Variants in CTNND2 observed in about 807,000 individuals in gnomAD.
CTNND2 encodes the protein catenin delta 2, also known as catenin delta-2.
CTNND2 carries 22 observed loss-of-function variants against 144.4 expected under a neutral mutation model. The ratio of observed to expected loss-of-function variants is 0.15; its 90% CI spans 0.11 to 0.22. CTNND2 has a LOEUF of 0.22. Among genes scored for constraint, CTNND2 ranks in the 10% least tolerant of loss-of-function variants. The probability of loss-of-function intolerance (pLI) is 1.00; values close to 1 mark genes in which losing one functional copy is unlikely to be tolerated. For missense variants in CTNND2, 1,353 were observed against 1,618.8 expected (o/e 0.84, Z 2.82); for synonymous variants, 751 against 695.6 (o/e 1.08, Z -1.25).
At chr5:11,079,585 G>C (rs1432697988) in intron 16 of CTNND2, among the ~76,000 whole-genome samples, 1 of 152,120 alleles carries the variant, frequency 6.6e-6, no homozygotes, top group Admixed American at 6.5e-5. Flanking sequence ...GCCCTGCCAG[G>C]TACACAAGGT....
At chr5:11,369,197 G>A (rs924808486) in intron 7 of CTNND2, among the ~76,000 whole-genome samples, 1 of 152,114 alleles carries the variant, frequency 6.6e-6, no homozygotes, top group African/African-American at 2.4e-5. Flanking sequence ...AAAAAATGTA[G>A]GAATGAATGA....
At chr5:11,236,656 G>C in intron 10 of CTNND2, 35 bp downstream of exon 10, 1 of 1,610,342 alleles carries the variant, frequency 6.2e-7, no homozygotes, top group Non-Finnish European at 8.5e-7. Flanking sequence ...TTATGAATCT[G>C]ACACCAATCA....
At chr5:11,122,066 T>C (rs527673158) in intron 12 of CTNND2, among the ~76,000 whole-genome samples, 25 of 152,302 alleles carry the variant, frequency 1.6e-4, no homozygotes, top group African/African-American at 5.8e-4. Context: ...TATTGAGAAT[T>C]CAGCCCTTCC....
chr5:11,258,137 C>T (rs1580728693), intron 9 of CTNND2, among the ~76,000 whole-genome samples: 1 of 152,310 alleles, frequency 6.6e-6, no homozygotes. Flanking sequence ...GTACCTTAGG[C>T]TGAATGGATT....
At chr5:11,513,401 T>C (rs955462050) in intron 3 of CTNND2, among the ~76,000 whole-genome samples, 1 of 152,234 alleles carries the variant, frequency 6.6e-6, no homozygotes, top group Non-Finnish European at 1.5e-5. Context: ...ACCCTCAAGA[T>C]ACTCTCACAT....
At chr5:11,439,998 G>C (rs530922966) in intron 3 of CTNND2, among the ~76,000 whole-genome samples, 8 of 152,140 alleles carry the variant, frequency 5.3e-5, no homozygotes, top group African/African-American at 1.9e-4. Flanking sequence ...TCTTAAGAGA[G>C]ATGACAAAGG....
intron 18 of CTNND2, among the ~76,000 whole-genome samples, chr5:11,004,016 C>T (rs58888800): frequency 6.6e-6 from 1 of 152,030 alleles, no homozygotes; most frequent in African/African-American, 2.4e-5. Flanking sequence ...TTCTAAAGAA[C>T]CAGTGTAACC....
intron 2 of CTNND2, among the ~76,000 whole-genome samples, chr5:11,600,553 A>C (rs751132049): frequency 2.6e-5 from 4 of 152,042 alleles, no homozygotes; most frequent in Non-Finnish European, 5.9e-5. Context: ...TAAAAATAGA[A>C]AAATCAGCCC....
intron 9 of CTNND2, among the ~76,000 whole-genome samples, chr5:11,258,217 T>C (rs1335408180): frequency 3.9e-5 from 6 of 152,158 alleles, no homozygotes; most frequent in Non-Finnish European, 5.9e-5. Flanking sequence ...ATATGCTGCA[T>C]CTTCACAATG....
chr5:11,477,343 T>C (rs1561450812), intron 3 of CTNND2, among the ~76,000 whole-genome samples: 1 of 151,938 alleles, frequency 6.6e-6, no homozygotes, highest in Non-Finnish European at 1.5e-5. Flanking sequence ...TTAGGGAGAC[T>C]CAACCCAAGG....
chr5:11,240,944 T>TGAGCACACACACC (rs1742356135), intron 9 of CTNND2, among the ~76,000 whole-genome samples: 3 of 122,720 alleles, frequency 2.4e-5, no homozygotes, highest in African/African-American at 9.6e-5. Flanking sequence ...ACACACACAC[T>TGAGCACACACACC]GAGCACACAC....
intron 3 of CTNND2, among the ~76,000 whole-genome samples, chr5:11,555,131 G>A (rs74793410): frequency 0.011 from 1,671 of 152,208 alleles, 29 homozygotes; most frequent in African/African-American, 0.037. Context: ...ATTCCGCACT[G>A]ATTAAATAAA....
In CTNND2 at chr5:11,786,166, C is replaced by G. The variant is rs112433861; in HGVS notation, c.38-53894G>C. On this transcript the variant is annotated intron_variant, in intron 1 of 21. Coordinates refer to ENST00000304623, the MANE Select transcript of CTNND2 (RefSeq NM_001332.4). ...TCTCACAACAACCACAGGAGCCACT[C>G]AGGGGACCAGGCCAGCTGGCAGAGG... 7.3e-3 allele frequency among the ~76,000 whole-genome samples: 1,112 copies of G among 152,344 alleles called. 6 individuals are homozygous for G. The highest frequency in any genetic ancestry group is 0.013 in the Non-Finnish European group (872 of 68,032).
At chr5:11,307,962 G>C (rs1279708856) in intron 9 of CTNND2, among the ~76,000 whole-genome samples, 1 of 152,212 alleles carries the variant, frequency 6.6e-6, no homozygotes, top group Non-Finnish European at 1.5e-5. Flanking sequence ...ACAGATCCGA[G>C]AGAGTTAGCC....
In CTNND2 at chr5:11,111,386, C is replaced by T. The variant is rs183249350; in HGVS notation, c.2278-343G>A. ...CTAACAGACAGCGCCCCACCTCTGA[C>T]TCCCTGGCTGGGGATTGGGGATCGG... On this transcript the variant is annotated intron_variant, in intron 13 of 21. Coordinates refer to ENST00000304623, the MANE Select transcript of CTNND2 (RefSeq NM_001332.4). 2.4e-4 allele frequency among the ~76,000 whole-genome samples: 36 copies of T among 152,318 alleles called. 1 individual carries two copies. Among genetic ancestry groups the T allele is most frequent in the African/African-American group, 8.7e-4 (36 of 41,578 alleles).
intron 1 of CTNND2, among the ~76,000 whole-genome samples, chr5:11,801,315 A>C (rs1791669925): frequency 6.6e-6 from 1 of 152,308 alleles, no homozygotes; most frequent in East Asian, 1.9e-4. Context: ...TAACAGTGAT[A>C]GCTACATTTA....
chr5:11,306,099 A>G (rs1750169307), intron 9 of CTNND2, among the ~76,000 whole-genome samples: 1 of 152,200 alleles, frequency 6.6e-6, no homozygotes, highest in Non-Finnish European at 1.5e-5. Context: ...TAGCACTCTG[A>G]TTTCCATAAA....
intron 3 of CTNND2, among the ~76,000 whole-genome samples, chr5:11,432,122 T>TTTTA (rs1491352794): frequency 6.7e-5 from 6 of 90,128 alleles, no homozygotes; most frequent in African/African-American, 4.7e-4. Flanking sequence ...AGGTTGAGGC[T>TTTTA]TTTTTTTTTT....
chr5:11,231,749 T>A (rs1364557693), intron 10 of CTNND2, among the ~76,000 whole-genome samples: 1 of 152,216 alleles, frequency 6.6e-6, no homozygotes, highest in East Asian at 1.9e-4. Context: ...TTTGCATAAG[T>A]AACAAGAAGC....
Sources: gnomAD v4.1 joint callset for allele counts (sites outside exome capture counted in the v4.1 genomes callset) on GRCh38, gnomAD v4.1.1 for gene constraint, MANE v1.5 for transcripts, NCBI Gene and HGNC (gene_info 2026-07-23, HGNC 2026-07-21) for gene names.